The following LPA variants were observed in gnomAD, a reference collection of about 807,000 sequenced individuals.
The protein encoded by LPA is lipoprotein(a), also known as apolipoprotein(a).
Under a neutral mutation model 197.9 loss-of-function variants are expected in LPA, and 199 were observed. The observed-to-expected ratio is 1.01, with a 90% CI of 0.90 to 1.13. The LOEUF is 1.13. Ranked by LOEUF, LPA falls within the 50% of genes most tolerant of loss-of-function variation. LPA has a pLI of 0.00. For synonymous variants in LPA, 715 were observed against 639.5 expected (o/e 1.12, Z -1.78); for missense variants, 1,853 against 1,785.8 (o/e 1.04, Z -0.68).
chr6:160,595,485 C>G lies in LPA; in HGVS notation c.3338G>C (p.Trp1113Ser). 6.2e-7 allele frequency: 1 copy of G among 1,613,768 alleles called. No homozygotes were observed. The highest frequency in any genetic ancestry group is 2.2e-5 in the East Asian group (1 of 44,802). Reference sequence around the variant, plus strand: ...GACACTGGGATCCATGGTGTAACACCAAGGGCGAATCTCAGCATCTGGATT... The same window carrying G: ...GACACTGGGATCCATGGTGTAACACGAAGGGCGAATCTCAGCATCTGGATT... ...CRNPDAEIRP[W>S]CYTMDPSVRW... is the part of the protein sequence containing the mutation. Residue 1113 changes from tryptophan to serine, a missense_variant, in exon 21 of 39, where the codon TGG becomes TCG. Coordinates refer to ENST00000316300, the MANE Select transcript of LPA (RefSeq NM_005577.4).
Position 160,585,063 on chromosome 6 carries a change from T to G in LPA, c.4272A>C (p.Pro1424=), listed in dbSNP as rs1041106132. The G allele has an allele frequency of 6.2e-7, 1 of 1,613,662 alleles. No homozygotes were observed. Among genetic ancestry groups the G allele is most frequent in the Non-Finnish European group, 8.5e-7 (1 of 1,179,748 alleles). Residue 1424 remains proline, a synonymous_variant, in exon 26 of 39, where the codon CCA becomes CCC. Transcript: ENST00000316300. The part of the protein sequence containing the change: ...SMTPHWHRRI[P]LYYPNAGLTR... ...AGACATACGCATTTGGATAGTATAA[T>G]GGGATCCTCCGATGCCAATGTGGTG... is the stretch of plus-strand genomic sequence containing the variant.
chr6:160,542,998 C>T (rs1488178786), intron 33 of LPA, among the ~76,000 whole-genome samples, 190 bp from the exon 34 acceptor site: 1 of 152,184 alleles, frequency 6.6e-6, no homozygotes, highest in South Asian at 2.1e-4. Context: ...AGGACACTCT[C>T]CTTTCAAGGA....
At chr6:160,597,949 A>G (rs1779164350) in intron 20 of LPA, among the ~76,000 whole-genome samples, 2 of 152,148 alleles carry the variant, frequency 1.3e-5, no homozygotes, top group Non-Finnish European at 2.9e-5. Context: ...CAGTTAATTG[A>G]CTAGGACACC....
At position 160,542,686 on chromosome 6, in the gene LPA, A is replaced by G; in HGVS notation, c.5519+2T>C. 1.2e-6 allele frequency: 2 copies of G among 1,613,276 alleles called. No homozygotes were observed. Among genetic ancestry groups the G allele is most frequent in the Non-Finnish European group, 1.7e-6 (2 of 1,179,898 alleles). On this transcript the variant is annotated splice_donor_variant, in intron 34 of 38. Coordinates refer to ENST00000316300, the MANE Select transcript of LPA (RefSeq NM_005577.4). LOFTEE classifies it high-confidence loss of function. ...ATAGATGGTTTCTGGGCCTGTTCTT[A>G]CCTTGTTCTGAGACTGACTTGCCAG...
At chr6:160,564,564 T>C (rs946521983) in intron 28 of LPA, among the ~76,000 whole-genome samples, 1 of 152,118 alleles carries the variant, frequency 6.6e-6, no homozygotes, top group African/African-American at 2.4e-5. Context: ...ACAGCTCCAG[T>C]CCACAGTTCC....
At chr6:160,578,082 C>T (rs1015262824) in intron 27 of LPA, among the ~76,000 whole-genome samples, 1 of 152,062 alleles carries the variant, frequency 6.6e-6, no homozygotes, top group Non-Finnish European at 1.5e-5. Flanking sequence ...ATGCAGTCTC[C>T]TTAGGTTTCT....
intron 37 of LPA, among the ~76,000 whole-genome samples, chr6:160,532,871 A>C (rs1388323639): frequency 6.6e-6 from 1 of 152,192 alleles, no homozygotes; most frequent in African/African-American, 2.4e-5. Context: ...GGGCTTTGTC[A>C]TGCTGCTTTG....
At chr6:160,585,662 G>A (rs1177635375) in intron 25 of LPA, among the ~76,000 whole-genome samples, 1 of 152,024 alleles carries the variant, frequency 6.6e-6, no homozygotes, top group Non-Finnish European at 1.5e-5. Flanking sequence ...TCAGATTCTG[G>A]GGTGTGGGGC....
intron 8 of LPA, among the ~76,000 whole-genome samples, chr6:160,632,088 T>A (rs1237706363): frequency 1.5e-5 from 2 of 136,224 alleles, no homozygotes; most frequent in Middle Eastern, 3.4e-3. Flanking sequence ...ACGTCTAATT[T>A]GATCAGCCGG....
At chr6:160,654,402 C>T (rs899777907) in intron 1 of LPA, among the ~76,000 whole-genome samples, 1 of 151,698 alleles carries the variant, frequency 6.6e-6, no homozygotes, top group African/African-American at 2.4e-5. Context: ...GCCTTCCCAG[C>T]CCACTGACTC....
At chr6:160,653,816 G>C (rs1780047709) in intron 1 of LPA, among the ~76,000 whole-genome samples, 1 of 144,972 alleles carries the variant, frequency 6.9e-6, no homozygotes, top group South Asian at 2.2e-4. Context: ...CCACAATCAA[G>C]TAGGTTTTAT....
chr6:160,594,077 A>G lies in LPA; in HGVS notation c.3510T>C (p.His1170=). The change falls in exon 22 of 39, where the codon CAT becomes CAC. Residue 1170 remains histidine, a synonymous_variant. Transcript: ENST00000316300. ...AGCCTCGATAACTCTGTCCATCACC[A>G]TGGTAGCAATCCTGGACCCCGGGGC... The part of the protein sequence containing the change: ...EQSPGVQDCY[H]GDGQSYRGSF... 6.2e-7 allele frequency: 1 copy of G among 1,613,934 alleles called. No individual in the cohort carries two copies. The highest frequency in any genetic ancestry group is 8.5e-7 in the Non-Finnish European group (1 of 1,179,844).
At position 160,540,168 on chromosome 6, in the gene LPA, T is replaced by C; in HGVS notation, c.5610A>G (p.Ser1870=). 3 of 1,614,128 alleles carry C rather than the reference T, an allele frequency of 1.9e-6. No homozygotes were observed. Among genetic ancestry groups the C allele is most frequent in the South Asian group, 1.1e-5 (1 of 91,074 alleles). Residue 1870 remains serine (S), a synonymous_variant, in exon 36 of 39, where the codon TCA becomes TCG. Coordinates refer to ENST00000316300, the MANE Select transcript of LPA (RefSeq NM_005577.4). ...AHCLKKSSRP[S]SYKVILGAHQ... ...GTGCACCCAGGATGACCTTGTAGGA[T>C]GAAGGCCTTGAGGACCTAGAAAAGA... is the stretch of plus-strand genomic sequence containing the variant.
intron 28 of LPA, among the ~76,000 whole-genome samples, chr6:160,576,370 A>ACC (rs1778666983): frequency 9.8e-5 from 1 of 10,252 alleles, no homozygotes; most frequent in Non-Finnish European, 1.7e-4. Flanking sequence ...ATATATACAT[A>ACC]TATATATATA....
chr6:160,534,989 A>G (rs1291248480), intron 37 of LPA, among the ~76,000 whole-genome samples: 2 of 143,908 alleles, frequency 1.4e-5, no homozygotes, highest in Non-Finnish European at 3.1e-5. Flanking sequence ...GGTGATGATG[A>G]TGGTGGTGAT....
chr6:160,587,921 C>A (rs1162999057), intron 24 of LPA, among the ~76,000 whole-genome samples: 2 of 152,088 alleles, frequency 1.3e-5, no homozygotes, highest in Non-Finnish European at 2.9e-5. Context: ...GTGAGTTCTT[C>A]ATTAGAGATG....
At chr6:160,656,847 T>C (rs1034322767) in intron 1 of LPA, among the ~76,000 whole-genome samples, 1 of 152,222 alleles carries the variant, frequency 6.6e-6, no homozygotes, top group Non-Finnish European at 1.5e-5. Context: ...TAGTCCATTC[T>C]ACCTGGCAGT....
chr6:160,661,120 C>A (rs1780218973), intron 1 of LPA, among the ~76,000 whole-genome samples: 1 of 152,182 alleles, frequency 6.6e-6, no homozygotes, highest in Non-Finnish European at 1.5e-5. Flanking sequence ...CAGCCCTCTT[C>A]CAAGCCTGGA....
intron 36 of LPA, among the ~76,000 whole-genome samples, chr6:160,538,604 T>A (rs1777928655): frequency 6.6e-6 from 1 of 152,180 alleles, no homozygotes; most frequent in Non-Finnish European, 1.5e-5. Context: ...GATTCTACTT[T>A]AGTAAGTTCA....
Sources: allele counts gnomAD v4.1 joint callset (sites outside exome capture counted in the v4.1 genomes callset), GRCh38; gene constraint gnomAD v4.1.1; transcripts MANE v1.5; gene names NCBI Gene and HGNC (gene_info 2026-07-23, HGNC 2026-07-21).